Variants in CCDC15 observed in about 807,000 individuals in gnomAD.
The protein encoded by CCDC15 is coiled-coil domain-containing protein 15.
CCDC15 carries 105 observed loss-of-function variants against 114.5 expected under a neutral mutation model. That is an observed-to-expected ratio of 0.92 (90% CI 0.78 to 1.08). The LOEUF (loss-of-function observed/expected upper bound fraction) is 1.08, where lower values mean the gene tolerates loss of function less well. Among genes scored for constraint, CCDC15 ranks in the 50% least tolerant of loss-of-function variants. The pLI is 0.00. For missense variants in CCDC15, 1,105 were observed against 1,093.6 expected, an observed-to-expected ratio of 1.01 and a Z score of -0.15; for synonymous variants, 334 against 377.8, an observed-to-expected ratio of 0.88 and a Z score of 1.34.
chr11:124,980,969 C>T (rs1477783545), intron 6 of CCDC15, among the ~76,000 whole-genome samples: 1 of 152,098 alleles, frequency 6.6e-6, no homozygotes, highest in East Asian at 1.9e-4. Flanking sequence ...TATCTTTTTT[C>T]TCATTAGTTT....
At chr11:125,016,677 G>C (rs1292275532) in intron 13 of CCDC15, among the ~76,000 whole-genome samples, 1 of 152,144 alleles carries the variant, frequency 6.6e-6, no homozygotes, top group Non-Finnish European at 1.5e-5. Flanking sequence ...TTACAGGCTA[G>C]CAGGTAAAAG....
At position 124,987,256 on chromosome 11, in the gene CCDC15, C is replaced by A; in HGVS notation, c.1030C>A (p.Leu344Met). The A allele has an allele frequency of 6.3e-7, 1 of 1,578,954 alleles. No individual in the cohort carries two copies. Among genetic ancestry groups the A allele is most frequent in the South Asian group, 1.2e-5 (1 of 83,964 alleles). The change falls in exon 8 of 16, where the codon CTG (leucine) becomes ATG (methionine). Residue 344 changes from leucine to methionine, a missense_variant. Physicochemically the swap from Leu to Met is conservative, Grantham distance 15. Transcript: ENST00000344762. ...TTTTCTAGAAGCCCAAGGTGATTTG[C>A]TGGAAACCCAGGGTGATTTGACAGG... ...DYFLEAQGDL[L>M]ETQGDLTGIQ...
At chr11:124,993,133 T>C in intron 10 of CCDC15, 36 bp from the exon 11 acceptor site, 2 of 1,347,676 alleles carry the variant, frequency 1.5e-6, no homozygotes, top group Non-Finnish European at 2.1e-6. Context: ...TCATTTCTGC[T>C]TAGACAATCA....
intron 13 of CCDC15, among the ~76,000 whole-genome samples, chr11:125,030,120 A>G (rs767724453): frequency 3.3e-5 from 5 of 152,080 alleles, no homozygotes; most frequent in Admixed American, 6.6e-5. Context: ...GGAAGCAAAG[A>G]TTTTGCTAGT....
intron 15 of CCDC15, among the ~76,000 whole-genome samples, chr11:125,040,350 T>C (rs747441527): frequency 1.3e-5 from 2 of 152,208 alleles, no homozygotes; most frequent in Non-Finnish European, 2.9e-5. Context: ...GATGACATTT[T>C]GTATATACCT....
intron 13 of CCDC15, among the ~76,000 whole-genome samples, chr11:125,032,788 G>A (rs185264994): frequency 1.3e-3 from 201 of 152,104 alleles, no homozygotes; most frequent in African/African-American, 4.6e-3. Context: ...GGATGAGTCT[G>A]GGGACCCACT....
rs1332091850 is a variant in CCDC15 at position 124,954,910 on chromosome 11, G to A, written c.177+1G>A. 1.9e-6 allele frequency: 3 copies of A among 1,613,802 alleles called. No individual in the cohort carries two copies. The highest frequency in any genetic ancestry group is 1.1e-5 in the South Asian group (1 of 91,068). Reference sequence around the variant, plus strand: ...AGGTAGTTCGGAAATCCCAGCATATGTGAGTGTCAGTTTGATCCAAATATG... The same window carrying A: ...AGGTAGTTCGGAAATCCCAGCATATATGAGTGTCAGTTTGATCCAAATATG... On this transcript the variant is annotated splice_donor_variant, in intron 2 of 15. Transcript: ENST00000344762. LOFTEE classifies it high-confidence loss of function.
intron 6 of CCDC15, among the ~76,000 whole-genome samples, chr11:124,981,431 GC>G (rs1209937774): frequency 6.6e-6 from 1 of 152,128 alleles, no homozygotes; most frequent in Non-Finnish European, 1.5e-5. Context: ...TGAAACCTCT[GC>G]CTCCTGGGTT....
At chr11:125,035,742 T>A (rs1342085980) in intron 13 of CCDC15, among the ~76,000 whole-genome samples, 8 of 152,310 alleles carry the variant, frequency 5.3e-5, no homozygotes, top group South Asian at 2.1e-4. Context: ...ATCTGTTGTA[T>A]GTTTCCAAAT....
intron 6 of CCDC15, among the ~76,000 whole-genome samples, chr11:124,985,705 T>C (rs1021398855): frequency 6.6e-6 from 1 of 150,880 alleles, no homozygotes; most frequent in Admixed American, 6.6e-5. Context: ...TTGTTAAGTG[T>C]TTATATATAT....
chr11:124,970,956 T>C (rs1445264490), intron 4 of CCDC15, among the ~76,000 whole-genome samples: 1 of 152,132 alleles, frequency 6.6e-6, no homozygotes, highest in African/African-American at 2.4e-5. Flanking sequence ...GTGTGCAAAA[T>C]AGACATTTTT....
chr11:125,009,100 C>T (rs1469031691), intron 13 of CCDC15, among the ~76,000 whole-genome samples: 1 of 151,206 alleles, frequency 6.6e-6, no homozygotes. Context: ...TGCTTGTAAT[C>T]CTTGTAATCC....
chr11:124,968,754 G>T (rs1226333765), intron 4 of CCDC15, among the ~76,000 whole-genome samples: 1 of 152,168 alleles, frequency 6.6e-6, no homozygotes, highest in Non-Finnish European at 1.5e-5. Flanking sequence ...GCTGGGAGCT[G>T]CAGACCGGAG....
chr11:124,995,195 A>G (rs746718973), intron 11 of CCDC15, among the ~76,000 whole-genome samples: 1 of 151,996 alleles, frequency 6.6e-6, no homozygotes, highest in East Asian at 1.9e-4. Context: ...TTTTTTCTTC[A>G]TAAAGTCGGT....
intron 13 of CCDC15, among the ~76,000 whole-genome samples, chr11:125,012,703 G>A (rs1052198326): frequency 2.6e-5 from 4 of 152,110 alleles, no homozygotes; most frequent in African/African-American, 9.7e-5. Flanking sequence ...AAGGTGGGAG[G>A]AAATAATAGT....
intron 2 of CCDC15, among the ~76,000 whole-genome samples, chr11:124,956,074 G>A (rs528569590): frequency 6.6e-6 from 1 of 152,202 alleles, no homozygotes; most frequent in East Asian, 1.9e-4. Context: ...AGCTTAGTAG[G>A]AGAATGGTTG....
In CCDC15 at chr11:125,005,108, G is replaced by A. The variant is rs749333837; in HGVS notation, c.2308-1G>A. 4 of 1,405,524 alleles carry A rather than the reference G, an allele frequency of 2.8e-6. No homozygotes were observed. The highest frequency in any genetic ancestry group is 3.9e-6 in the Non-Finnish European group (4 of 1,032,118). The allele number at this position is 1,405,524 out of a possible 1,614,324, so 87.1% of individuals were successfully genotyped here. On this transcript the variant is annotated splice_acceptor_variant, in intron 12 of 15. Coordinates refer to ENST00000344762, the MANE Select transcript of CCDC15 (RefSeq NM_025004.3). LOFTEE classifies it high-confidence loss of function. ...TAGTAATTTTAACTTCTTACCTTTA[G>A]CGTCAAAAGCAGTACCTGAGACATA... is the stretch of plus-strand genomic sequence containing the variant.
intron 13 of CCDC15, among the ~76,000 whole-genome samples, chr11:125,023,049 T>G (rs1376360770): frequency 6.6e-6 from 1 of 151,892 alleles, no homozygotes. Flanking sequence ...GTTTGTTCTT[T>G]TATGGAGTGT....
rs1948810738 is a variant in CCDC15, at chr11:125,040,813, G to A, written c.*102G>A. ...TTCAAGTTATAAAATATATAATCTG[G>A]GAAGAAATACTGTCTCATATAATAA... On this transcript the variant is annotated 3_prime_UTR_variant, in exon 16 of 16. Transcript: ENST00000344762. 1.0e-6 allele frequency: 1 copy of A among 997,408 alleles called. No individual in the cohort carries two copies. The highest frequency in any genetic ancestry group is 1.5e-6 in the Non-Finnish European group (1 of 685,918). The allele number at this position is 997,408 out of a possible 1,614,324, so 61.8% of individuals were successfully genotyped here.
Sources: allele counts gnomAD v4.1 joint callset (sites outside exome capture counted in the v4.1 genomes callset), GRCh38; gene constraint gnomAD v4.1.1; transcripts MANE v1.5; gene names NCBI Gene and HGNC (gene_info 2026-07-23, HGNC 2026-07-21).